Variants in NRK observed in about 807,000 individuals in gnomAD.
NRK encodes the protein nik-related protein kinase.
A neutral mutation model predicts 125.2 loss-of-function variants in NRK; 67 were observed. The observed-to-expected ratio is 0.54, with a 90% confidence interval of 0.44 to 0.66. NRK has a LOEUF of 0.66. Ranked by LOEUF, NRK falls within the 30% of genes least tolerant of loss-of-function variation. The pLI is 0.00. For missense variants in NRK, 1,224 were observed against 1,192.9 expected, an observed-to-expected ratio of 1.03 and a Z score of -0.38; for synonymous variants, 458 against 429.0, an observed-to-expected ratio of 1.07 and a Z score of -0.84.
At chrX:105,935,849 A>G (rs1218053205) in intron 21 of NRK, among the ~76,000 whole-genome samples, 1 of 106,935 alleles carries the variant, frequency 9.4e-6, no homozygotes, top group Non-Finnish European at 1.9e-5. Flanking sequence ...GGACTAGGTT[A>G]TGATTGTTTG....
At chrX:105,822,487 C>G (rs1456498658), upstream of NRK, 1 of 279,766 alleles carries the variant, frequency 3.6e-6, no homozygotes, top group African/African-American at 2.8e-5. Flanking sequence ...CGGGTCCCCT[C>G]TCCTTGCACC....
Position 105,956,560 on chromosome X carries a change from G to A in NRK, c.*960G>A, listed in dbSNP as rs898528374. On this transcript the variant is annotated 3_prime_UTR_variant, in exon 29 of 29. Transcript: ENST00000243300. ...GCTTCCTTCCAGTATTAAACAAAAA[G>A]AATTAAACATAACTATGAAAAAACT... 2.7e-4 allele frequency: 30 copies of A among 111,697 alleles called. No individual in the cohort carries two copies. The highest frequency in any genetic ancestry group is 9.1e-4 in the African/African-American group (28 of 30,773). 9.2% of individuals were successfully genotyped at this position (111,697 alleles called of 1,213,427 possible). A position where few individuals can be genotyped will look rare whatever the true frequency, so the allele number is the denominator to read the frequency against.
Position 105,915,766 on chromosome X carries a change from G to A in NRK, c.2386G>A (p.Asp796Asn), listed in dbSNP as rs752570655. ...ATCTCCTTCTGTGCCTAACAACCAG[G>A]ATCATGCACATCATGTCAAGTTCTC... ...ERSPSVPNNQ[D>N]HAHHVKFSSS... The change falls in exon 15 of 29, where the codon GAT (aspartate) becomes AAT (asparagine). Residue 796 changes from aspartate to asparagine, a missense_variant. Physicochemically the swap from Asp to Asn is conservative, Grantham distance 23. Coordinates refer to ENST00000243300, the MANE Select transcript of NRK (RefSeq NM_198465.4). 1 of 1,151,406 alleles carries A rather than the reference G, an allele frequency of 8.7e-7. No individual in the cohort carries two copies. The highest frequency in any genetic ancestry group is 1.8e-5 in the South Asian group (1 of 54,310). The allele number at this position is 1,151,406 out of a possible 1,213,427, so 94.9% of individuals were successfully genotyped here. A position where few individuals can be genotyped will look rare whatever the true frequency, so the allele number is the denominator to read the frequency against.
At chrX:105,856,984 A>G (rs948096229) in intron 2 of NRK, among the ~76,000 whole-genome samples, 40 of 111,123 alleles carry the variant, frequency 3.6e-4, no homozygotes, top group African/African-American at 1.3e-3. Flanking sequence ...GAGTTTGTCA[A>G]TGTAAGAGGT....
chrX:105,931,193 T>G (rs1305939916), intron 19 of NRK, among the ~76,000 whole-genome samples: 1 of 112,366 alleles, frequency 8.9e-6, no homozygotes, highest in Admixed American at 9.4e-5. Flanking sequence ...GGGCCCAAGA[T>G]CTGAGCAGTC....
chrX:105,837,760 G>A (rs928186609), intron 2 of NRK, among the ~76,000 whole-genome samples: 5 of 111,039 alleles, frequency 4.5e-5, no homozygotes, highest in African/African-American at 1.3e-4. Context: ...TTTATGGGTC[G>A]TCATTTTAAT....
chrX:105,880,008 A>G (rs987412711), intron 2 of NRK, among the ~76,000 whole-genome samples, 191 bp from the exon 3 acceptor site: 2 of 110,768 alleles, frequency 1.8e-5, no homozygotes, highest in Non-Finnish European at 1.9e-5. Context: ...TGGGATGGTG[A>G]TTTCTTTAAA....
intron 20 of NRK, 111 bp from the exon 21 acceptor site, chrX:105,935,059 T>A (rs565650753): frequency 3.4e-4 from 190 of 565,520 alleles, no homozygotes; most frequent in South Asian, 1.5e-3. Flanking sequence ...TTAAAAAAAA[T>A]TTTTCTATAA....
chrX:105,934,306 G>A lies in NRK; in HGVS notation c.3361G>A (p.Ala1121Thr). ...EASNAIDSGA[A>T]PSAPDHESDN... ...CTCAAATGCCATTGACTCAGGTGCT[G>A]CACCGTCAGCACCTGATCATGAGAG... is the stretch of plus-strand genomic sequence containing the variant. The change falls in exon 20 of 29, where the codon GCA becomes ACA. Residue 1121 changes from alanine (A) to threonine (T), a missense_variant. Coordinates refer to ENST00000243300, the MANE Select transcript of NRK (RefSeq NM_198465.4). 8.5e-7 allele frequency: 1 copy of A among 1,182,780 alleles called. No individual in the cohort carries two copies. Among genetic ancestry groups the A allele is most frequent in the Non-Finnish European group, 1.1e-6 (1 of 874,700 alleles).
At chrX:105,823,350 T>G in intron 1 of NRK, among the ~76,000 whole-genome samples, 1 of 111,926 alleles carries the variant, frequency 8.9e-6, no homozygotes, top group East Asian at 2.8e-4. Flanking sequence ...GGGAGATGCT[T>G]ACTTGCGGGG....
chrX:105,875,208 C>T (rs1256890432), intron 2 of NRK, among the ~76,000 whole-genome samples: 2 of 111,443 alleles, frequency 1.8e-5, no homozygotes, highest in Non-Finnish European at 3.8e-5. Flanking sequence ...GTGAATAGAA[C>T]AGTTTATCTT....
At chrX:105,926,829 A>T (rs2040529851) in intron 19 of NRK, among the ~76,000 whole-genome samples, 1 of 110,980 alleles carries the variant, frequency 9.0e-6, no homozygotes. Context: ...GGATCTATTT[A>T]TGGGTCCTTT....
intron 7 of NRK, among the ~76,000 whole-genome samples, chrX:105,896,022 T>C (rs1328107893): frequency 8.9e-6 from 1 of 111,943 alleles, no homozygotes. Context: ...TCAGAATCGA[T>C]GCTCCAATAA....
chrX:105,886,231 G>A (rs1001942063), intron 4 of NRK, among the ~76,000 whole-genome samples: 4 of 108,942 alleles, frequency 3.7e-5, no homozygotes, highest in Admixed American at 1.0e-4. Context: ...GCCATAAGAA[G>A]GAAGTGCATT....
chrX:105,872,988 G>A (rs2039766912), intron 2 of NRK, among the ~76,000 whole-genome samples: 1 of 111,231 alleles, frequency 9.0e-6, no homozygotes. Flanking sequence ...CCAAGCAAAT[G>A]ACTAGAAGGA....
chrX:105,948,197 T>C (rs2040843348), intron 26 of NRK, among the ~76,000 whole-genome samples: 1 of 111,643 alleles, frequency 9.0e-6, no homozygotes, highest in African/African-American at 3.3e-5. Context: ...TTGACCCGCG[T>C]GTTTCACATG....
chrX:105,822,840 G>C lies in NRK; in HGVS notation c.-6G>C. 1.7e-6 allele frequency: 2 copies of C among 1,170,595 alleles called. No individual in the cohort carries two copies. The highest frequency in any genetic ancestry group is 2.3e-6 in the Non-Finnish European group (2 of 874,005). On this transcript the variant is annotated 5_prime_UTR_variant, in exon 1 of 29. Transcript: ENST00000243300. Reference sequence around the variant, plus strand: ...GTCGCCCGCTCCCGTTCGGCTCCTCGAAGCCATGGCGGGACCTGGGGGCTG... The same window carrying C: ...GTCGCCCGCTCCCGTTCGGCTCCTCCAAGCCATGGCGGGACCTGGGGGCTG...
At chrX:105,865,827 T>C (rs976789911) in intron 2 of NRK, among the ~76,000 whole-genome samples, 7 of 110,645 alleles carry the variant, frequency 6.3e-5, no homozygotes, top group African/African-American at 2.0e-4. Flanking sequence ...ATCAAGATAA[T>C]TTTTTCCTCA....
At chrX:105,867,932 A>T (rs188681157) in intron 2 of NRK, among the ~76,000 whole-genome samples, 64 of 111,960 alleles carry the variant, frequency 5.7e-4, no homozygotes, top group Non-Finnish European at 1.0e-3. Flanking sequence ...CTTAAATATC[A>T]TTCTAATACT....
Sources: allele counts gnomAD v4.1 joint callset (sites outside exome capture counted in the v4.1 genomes callset), GRCh38; gene constraint gnomAD v4.1.1; transcripts MANE v1.5; gene names NCBI Gene and HGNC (gene_info 2026-07-23, HGNC 2026-07-21).